Variants in PDE8A observed in about 807,000 individuals in gnomAD.
The protein encoded by PDE8A is phosphodiesterase 8A, also known as high affinity cAMP-specific and IBMX-insensitive 3',5'-cyclic phosphodiesterase 8A.
In PDE8A, 59 loss-of-function variants were observed where a neutral mutation model predicts 105.0. The ratio of observed to expected loss-of-function variants is 0.56; its 90% CI spans 0.46 to 0.70. PDE8A has a LOEUF of 0.70. Among genes scored for constraint, PDE8A ranks in the 30% least tolerant of loss-of-function variants. The pLI is 0.00. For synonymous variants in PDE8A, 355 were observed against 371.9 expected, an observed-to-expected ratio of 0.95 and a Z score of 0.52; for missense variants, 1,014 against 1,045.9, an observed-to-expected ratio of 0.97 and a Z score of 0.42.
chr15:84,999,031 T>G (rs1306516180), intron 1 of PDE8A, among the ~76,000 whole-genome samples: 4 of 152,176 alleles, frequency 2.6e-5, no homozygotes, highest in African/African-American at 9.7e-5. Flanking sequence ...CTAGTCTGAC[T>G]TCTTGAACTC....
chr15:84,990,492 T>C (rs1406825185), intron 1 of PDE8A, among the ~76,000 whole-genome samples: 1 of 152,236 alleles, frequency 6.6e-6, no homozygotes, highest in Non-Finnish European at 1.5e-5. Context: ...CAGTCTATTC[T>C]TTTTTTATAA....
At chr15:85,051,373 C>T (rs770155975) in intron 1 of PDE8A, among the ~76,000 whole-genome samples, 318 of 152,174 alleles carry the variant, frequency 2.1e-3, no homozygotes, top group Non-Finnish European at 3.8e-3. Flanking sequence ...TTGCTTTGTT[C>T]CTGATCTTAG....
In PDE8A at chr15:85,137,621, G is replaced by C. The variant is rs576298182; in HGVS notation, c.2384-176G>C. On this transcript the variant is annotated intron_variant, in intron 21 of 21. Transcript: ENST00000394553. Reference sequence around the variant, plus strand: ...AGAGGAGGTGCTGGCATTGAGGACAGGGTTTAACTTCAGTCAGCCACGGCT... The same window carrying C: ...AGAGGAGGTGCTGGCATTGAGGACACGGTTTAACTTCAGTCAGCCACGGCT... Among the ~76,000 whole-genome samples the C allele has an allele frequency of 5.3e-5, 8 of 152,322 alleles. No homozygotes were observed. The Middle Eastern group carries it at 0.017, about 324-fold the overall frequency.
intron 20 of PDE8A, among the ~76,000 whole-genome samples, 155 bp from the exon 21 acceptor site, chr15:85,136,379 T>C (rs2082409595): frequency 6.6e-6 from 1 of 152,226 alleles, no homozygotes; most frequent in Admixed American, 6.5e-5. Flanking sequence ...GTATCTGTTA[T>C]GAGACATGGT....
chr15:85,093,862 C>CT (rs61045649), intron 8 of PDE8A, among the ~76,000 whole-genome samples: 7,180 of 147,906 alleles, frequency 0.049, 233 homozygotes, highest in African/African-American at 0.095. Flanking sequence ...TTTTAGAGAT[C>CT]TTTTTTTTTT....
At chr15:85,007,350 A>C (rs2080164695) in intron 1 of PDE8A, among the ~76,000 whole-genome samples, 1 of 151,400 alleles carries the variant, frequency 6.6e-6, no homozygotes, top group African/African-American at 2.4e-5. Flanking sequence ...GCACAAAAGC[A>C]GGCAAAACAG....
At chr15:85,049,804 T>C (rs891446844) in intron 1 of PDE8A, among the ~76,000 whole-genome samples, 3 of 152,274 alleles carry the variant, frequency 2.0e-5, no homozygotes, top group African/African-American at 7.2e-5. Context: ...TGCATACAGA[T>C]ATCTGTCTGA....
intron 12 of PDE8A, among the ~76,000 whole-genome samples, chr15:85,111,551 G>C (rs1050438238): frequency 1.3e-5 from 2 of 152,130 alleles, no homozygotes; most frequent in Non-Finnish European, 2.9e-5. Context: ...CTGTTCCACT[G>C]TTCTGTTTGT....
Position 85,138,118 on chromosome 15 carries a change from T to C in PDE8A, c.*215T>C. ...CTTGGCCACTGTAGCCTGGGCCTGC[T>C]GCAGGAGCTCTTCAGAAAGGCACAT... On this transcript the variant is annotated 3_prime_UTR_variant, in exon 22 of 22. Coordinates refer to ENST00000394553, the MANE Select transcript of PDE8A (RefSeq NM_002605.3). The C allele has an allele frequency of 2.1e-6, 1 of 486,156 alleles. No individual in the cohort carries two copies. The highest frequency in any genetic ancestry group is 3.7e-6 in the Non-Finnish European group (1 of 271,482). The allele number at this position is 486,156 out of a possible 1,614,324, so 30.1% of individuals were successfully genotyped here.
intron 5 of PDE8A, among the ~76,000 whole-genome samples, chr15:85,078,693 A>C (rs1399660303): frequency 6.6e-6 from 1 of 152,216 alleles, no homozygotes; most frequent in Non-Finnish European, 1.5e-5. Flanking sequence ...GCAGATCCTC[A>C]CAAGGAAATG....
intron 1 of PDE8A, among the ~76,000 whole-genome samples, chr15:84,985,147 G>T (rs151035021): frequency 1.6e-3 from 239 of 152,246 alleles, no homozygotes; most frequent in African/African-American, 5.5e-3. Context: ...TGTCAGGCAG[G>T]CCACATGTTA....
intron 5 of PDE8A, among the ~76,000 whole-genome samples, chr15:85,080,972 A>G (rs2081455824): frequency 6.6e-6 from 1 of 152,206 alleles, no homozygotes; most frequent in African/African-American, 2.4e-5. Flanking sequence ...TAGGTGAGGA[A>G]TTCATGCGGT....
At chr15:85,047,870 T>C (rs541930193) in intron 1 of PDE8A, among the ~76,000 whole-genome samples, 1 of 152,208 alleles carries the variant, frequency 6.6e-6, no homozygotes, top group Non-Finnish European at 1.5e-5. Context: ...ATACATACTT[T>C]TTACTCATGC....
chr15:85,033,622 T>C (rs2080653065), intron 1 of PDE8A, among the ~76,000 whole-genome samples: 1 of 152,098 alleles, frequency 6.6e-6, no homozygotes, highest in Admixed American at 6.5e-5. Flanking sequence ...CCCAGCACTT[T>C]GGGAGACTGA....
intron 21 of PDE8A, 62 bp downstream of exon 21, chr15:85,136,725 G>C: frequency 1.3e-6 from 2 of 1,498,458 alleles, no homozygotes; most frequent in East Asian, 2.3e-5. Context: ...GCGTATGAAA[G>C]AGCAGAGTGC....
Position 85,067,112 on chromosome 15 carries a change from G to C in PDE8A, c.342G>C (p.Gln114His). ...GFKCTVTKEA[Q>H]AVLACFLDKH... Reference sequence around the variant, plus strand: ...AGTGTACAGTTACCAAGGAGGCTCAGGCTGTCCTTGCCTGTTTCCTGGACA... The same window carrying C: ...AGTGTACAGTTACCAAGGAGGCTCACGCTGTCCTTGCCTGTTTCCTGGACA... Residue 114 changes from glutamine to histidine, a missense_variant, in exon 3 of 22, where the codon CAG (glutamine) becomes CAC (histidine). Coordinates refer to ENST00000394553, the MANE Select transcript of PDE8A (RefSeq NM_002605.3). 1.2e-6 allele frequency: 2 copies of C among 1,613,904 alleles called. No individual in the cohort carries two copies. The highest frequency in any genetic ancestry group is 8.5e-7 in the Non-Finnish European group (1 of 1,179,790).
rs2141663624 is a variant in PDE8A at position 85,136,596 on chromosome 15, C to T, written c.2316C>T (p.Cys772=). The T allele has an allele frequency of 6.2e-7, 1 of 1,613,276 alleles. No individual in the cohort carries two copies. The highest frequency in any genetic ancestry group is 8.5e-7 in the Non-Finnish European group (1 of 1,179,256). The change falls in exon 21 of 22, where the codon TGC becomes TGT. Residue 772 remains cysteine (C), a synonymous_variant. Transcript: ENST00000394553. ...TGCCAGTGTTTGACAGAAATACCTG[C>T]AGCATCCCCAAATCCCAAATCTCTT... is the stretch of plus-strand genomic sequence containing the variant. The part of the protein sequence containing the change: ...VVMPVFDRNT[C]SIPKSQISFI...
intron 1 of PDE8A, among the ~76,000 whole-genome samples, chr15:85,041,981 A>C (rs1251353470): frequency 1.3e-5 from 2 of 152,200 alleles, no homozygotes; most frequent in Non-Finnish European, 2.9e-5. Flanking sequence ...GAACGTAAGC[A>C]AATGACTTCC....
intron 1 of PDE8A, among the ~76,000 whole-genome samples, chr15:84,988,402 T>C (rs548576859): frequency 6.2e-4 from 95 of 152,380 alleles, no homozygotes; most frequent in African/African-American, 2.2e-3. Context: ...GTTACAGCTC[T>C]ACCTTAGGTT....
Sources: allele counts gnomAD v4.1 joint callset (sites outside exome capture counted in the v4.1 genomes callset), GRCh38; gene constraint gnomAD v4.1.1; transcripts MANE v1.5; gene names NCBI Gene and HGNC (gene_info 2026-07-23, HGNC 2026-07-21).